Variants in FCRL2 observed in about 807,000 individuals in gnomAD.
The protein encoded by FCRL2 is Fc receptor-like protein 2.
FCRL2 carries 48 observed loss-of-function variants against 59.8 expected under a neutral mutation model. That is an observed-to-expected ratio of 0.80 (90% CI 0.64 to 1.02). The LOEUF is 1.02. Among genes scored for constraint, FCRL2 ranks in the 50% least tolerant of loss-of-function variants. The pLI is 0.00. For missense variants in FCRL2, 658 were observed against 597.3 expected (o/e 1.10, Z -1.06); for synonymous variants, 251 against 229.5 (o/e 1.09, Z -0.85).
At chr1:157,769,771 G>T in intron 4 of FCRL2, 95 bp downstream of exon 4, 1 of 1,438,612 alleles carries the variant, frequency 7.0e-7, no homozygotes, top group Non-Finnish European at 9.5e-7. Flanking sequence ...TTTCCTCAAG[G>T]ACAGGAGTTG....
intron 7 of FCRL2, chr1:157,766,594 C>T: frequency 2.0e-6 from 1 of 490,132 alleles, no homozygotes; most frequent in Non-Finnish European, 3.5e-6. Context: ...TTAGACTTTT[C>T]ATTTTAAAAG....
intron 7 of FCRL2, among the ~76,000 whole-genome samples, chr1:157,759,432 C>CA (rs1204083852): frequency 6.6e-6 from 1 of 151,920 alleles, no homozygotes; most frequent in Non-Finnish European, 1.5e-5. Context: ...GCAATAAAAA[C>CA]AAAAAATTGA....
chr1:157,755,862 C>T (rs544357988), intron 7 of FCRL2, among the ~76,000 whole-genome samples: 1 of 152,058 alleles, frequency 6.6e-6, no homozygotes, highest in Non-Finnish European at 1.5e-5. Context: ...TGAGATATTG[C>T]TAAGAGTGGG....
At chr1:157,757,700 C>A (rs893033498) in intron 7 of FCRL2, among the ~76,000 whole-genome samples, 2 of 152,222 alleles carry the variant, frequency 1.3e-5, no homozygotes, top group African/African-American at 2.4e-5. Context: ...CGGAGGCTTA[C>A]ACCTGTAATC....
chr1:157,751,259 ACATTTCAAAGGGCTGGCTCC>A (rs1162389967), intron 7 of FCRL2, among the ~76,000 whole-genome samples: 1 of 152,222 alleles, frequency 6.6e-6, no homozygotes, highest in African/African-American at 2.4e-5. Context: ...CTAGATGGTT[ACATTTCAAAGGGCTGGCTCC>A]CAAGTCTTAG....
At chr1:157,766,556 T>C in intron 7 of FCRL2, 1 of 443,576 alleles carries the variant, frequency 2.3e-6, no homozygotes. Flanking sequence ...ATTATATCTA[T>C]TGAAAATTAC....
intron 7 of FCRL2, among the ~76,000 whole-genome samples, chr1:157,765,013 G>T (rs1183606423): frequency 6.6e-6 from 1 of 151,836 alleles, no homozygotes; most frequent in Non-Finnish European, 1.5e-5. Context: ...AAAATACAAA[G>T]GATCAATAAA....
intron 7 of FCRL2, among the ~76,000 whole-genome samples, chr1:157,763,149 G>C (rs2101718431): frequency 6.6e-6 from 1 of 152,206 alleles, no homozygotes; most frequent in South Asian, 2.1e-4. Flanking sequence ...AAAACAACTA[G>C]ACAACAATTA....
At chr1:157,767,667 C>A (rs767876970) in intron 5 of FCRL2, 158 bp from the exon 6 acceptor site, 1 of 1,594,566 alleles carries the variant, frequency 6.3e-7, no homozygotes, top group Non-Finnish European at 8.5e-7. Context: ...ATTTTCTCAA[C>A]AATATATTTA....
At chr1:157,773,065 C>T (rs778946936) in intron 2 of FCRL2, among the ~76,000 whole-genome samples, 3 of 152,168 alleles carry the variant, frequency 2.0e-5, no homozygotes, top group East Asian at 1.9e-4. Context: ...GCCTTCTGCC[C>T]GAGAAGTAGA....
At chr1:157,770,354 T>G in intron 3 of FCRL2, 55 bp downstream of exon 3, 2 of 1,583,052 alleles carry the variant, frequency 1.3e-6, no homozygotes, top group South Asian at 2.4e-5. Flanking sequence ...GTACCCACCC[T>G]GCCTTGCTGC....
intron 7 of FCRL2, among the ~76,000 whole-genome samples, chr1:157,752,522 T>A (rs1284731872): frequency 1.3e-5 from 2 of 152,076 alleles, no homozygotes; most frequent in Non-Finnish European, 2.9e-5. Context: ...ATACAAGGAG[T>A]AAGTGGATAG....
rs1003970944 is a variant in FCRL2, at chr1:157,748,793, C to T, written c.1393+82G>A. ...GGCCTCTGGTGTTGGGGTGTCTACA[C>T]CACCCACCTAATGGTCTCCGCTCCT... On this transcript the variant is annotated intron_variant, in intron 9 of 11. Transcript: ENST00000361516. 3 of 1,359,440 alleles carry T rather than the reference C, an allele frequency of 2.2e-6. No individual in the cohort carries two copies. In the East Asian group the frequency reaches 6.9e-5, roughly 31 times the overall value. The allele number at this position is 1,359,440 out of a possible 1,614,324, so 84.2% of individuals were successfully genotyped here. A position where few individuals can be genotyped will look rare whatever the true frequency, so the allele number is the denominator to read the frequency against.
intron 7 of FCRL2, among the ~76,000 whole-genome samples, chr1:157,766,157 G>A (rs899847494): frequency 2.0e-5 from 3 of 152,224 alleles, no homozygotes; most frequent in African/African-American, 7.2e-5. Context: ...TAAATAAAAA[G>A]AAAAAAGAGC....
intron 7 of FCRL2, among the ~76,000 whole-genome samples, chr1:157,756,954 A>AT (rs1298005172): frequency 6.6e-6 from 1 of 152,190 alleles, no homozygotes. Context: ...AATCAATTAA[A>AT]TTTTTTTAAA....
Position 157,766,875 on chromosome 1 carries a change from G to C in FCRL2, c.1259C>G (p.Ala420Gly), listed in dbSNP as rs762391165. The C allele has an allele frequency of 3.1e-6, 5 of 1,613,964 alleles. No homozygotes were observed. Among genetic ancestry groups the C allele is most frequent in the Non-Finnish European group, 4.2e-6 (5 of 1,180,030 alleles). Reference sequence around the variant, plus strand: ...ACAACCTGATATCTTGTGGAACAAGGCATACAACAGCAAAGCAACACCAGT... The same window carrying C: ...ACAACCTGATATCTTGTGGAACAAGCCATACAACAGCAAAGCAACACCAGT... ...GFTGVALLLY[A>G]LFHKISGESS... Residue 420 changes from alanine (A) to glycine (G), a missense_variant, in exon 7 of 12, where the codon GCC becomes GGC. Transcript: ENST00000361516.
intron 7 of FCRL2, among the ~76,000 whole-genome samples, chr1:157,755,350 A>AAAATC (rs1407544244): frequency 6.6e-6 from 1 of 152,192 alleles, no homozygotes; most frequent in Non-Finnish European, 1.5e-5. Context: ...AACAGGCAAA[A>AAAATC]AAATCAAAAC....
intron 6 of FCRL2, 120 bp from the exon 7 acceptor site, chr1:157,767,091 C>T: frequency 7.6e-7 from 1 of 1,322,698 alleles, no homozygotes; most frequent in Non-Finnish European, 1.1e-6. Context: ...GTAGTCTGTA[C>T]TCTTCAGGTT....
chr1:157,764,319 A>G (rs1273935856), intron 7 of FCRL2, among the ~76,000 whole-genome samples: 3 of 152,254 alleles, frequency 2.0e-5, no homozygotes, highest in Admixed American at 6.5e-5. Flanking sequence ...ACCCAAAATC[A>G]TAAAGTAAAT....
Sources: allele counts gnomAD v4.1 joint callset (sites outside exome capture counted in the v4.1 genomes callset), GRCh38; gene constraint gnomAD v4.1.1; transcripts MANE v1.5; gene names NCBI Gene and HGNC (gene_info 2026-07-23, HGNC 2026-07-21).